The following PCDHA7 variants were observed in gnomAD, a reference collection of about 807,000 sequenced individuals.
PCDHA7 encodes the protein protocadherin alpha-7.
PCDHA7 carries 37 observed loss-of-function variants against 57.2 expected under a neutral mutation model. The observed-to-expected ratio is 0.65, with a 90% confidence interval of 0.50 to 0.85. PCDHA7 has a LOEUF of 0.85. Ranked by LOEUF, PCDHA7 falls within the 40% of genes least tolerant of loss-of-function variation. The pLI is 0.00. For missense variants in PCDHA7, 1,188 were observed against 1,241.8 expected (o/e 0.96, Z 0.65); for synonymous variants, 553 against 558.8 (o/e 0.99, Z 0.15).
chr5:140,883,559 G>A (rs2059672435), intron 1 of PCDHA7: 5 of 1,614,074 alleles, frequency 3.1e-6, no homozygotes, highest in Non-Finnish European at 4.2e-6. Context: ...GCGGGACGGG[G>A]GCTCGCCTTC....
intron 1 of PCDHA7, chr5:140,848,457 G>A (rs1030799361): frequency 6.5e-7 from 1 of 1,527,596 alleles, no homozygotes; most frequent in African/African-American, 1.4e-5. Context: ...CTAATTTGGA[G>A]GCAATTTTCA....
chr5:141,011,182 G>T lies in PCDHA7; in HGVS notation c.*1245G>T, dbSNP rs887034679. On this transcript the variant is annotated 3_prime_UTR_variant, in exon 4 of 4. Coordinates refer to ENST00000525929, the MANE Select transcript of PCDHA7 (RefSeq NM_018910.3). ...TATATATCAAGACCCAAAAATTGAA[G>T]AAAAATATTGTTTTCTCATACAGTG... 1.3e-5 allele frequency: 2 copies of T among 153,494 alleles called. No individual in the cohort carries two copies. Among genetic ancestry groups the T allele is most frequent in the Admixed American group, 6.6e-5 (1 of 15,254 alleles). The allele number at this position is 153,494 out of a possible 1,614,324, so 9.5% of individuals were successfully genotyped here.
At chr5:140,873,861 A>AT (rs1198117759) in intron 1 of PCDHA7, among the ~76,000 whole-genome samples, 1 of 152,162 alleles carries the variant, frequency 6.6e-6, no homozygotes, top group Non-Finnish European at 1.5e-5. Context: ...GGTTTTCACC[A>AT]TGTTGGCCAG....
chr5:140,982,795 A>ATGTG (rs60616196), intron 3 of PCDHA7, among the ~76,000 whole-genome samples: 1 of 151,628 alleles, frequency 6.6e-6, no homozygotes, highest in African/African-American at 2.4e-5. Context: ...GCATGTGTGC[A>ATGTG]TGTGTGTGTG....
intron 1 of PCDHA7, chr5:140,870,682 C>G: frequency 6.2e-7 from 1 of 1,612,762 alleles, no homozygotes; most frequent in South Asian, 1.1e-5. Flanking sequence ...CCACGAGGAG[C>G]TGGAGCTGCT....
chr5:140,884,466 C>T (rs1212644572), intron 1 of PCDHA7: 3 of 1,613,764 alleles, frequency 1.9e-6, no homozygotes, highest in Non-Finnish European at 2.5e-6. Context: ...GGCGCGTGCG[C>T]GCCGGGCAAG....
rs150360427 is a variant in PCDHA7 at position 140,892,912 on chromosome 5, T to C, written c.2355+56174T>C. Among the ~76,000 whole-genome samples, 3 of 152,298 alleles carry C rather than the reference T, an allele frequency of 2.0e-5. No homozygotes were observed. In the East Asian group the frequency reaches 5.8e-4, roughly 29 times the overall value. Reference sequence around the variant, plus strand: ...CAACCTTTCCCCATCCTCCTTTTCCTTCACCCTTCCCAGCCTCTGATAAGC... The same window carrying C: ...CAACCTTTCCCCATCCTCCTTTTCCCTCACCCTTCCCAGCCTCTGATAAGC... On this transcript the variant is annotated intron_variant, in intron 1 of 3. Coordinates refer to ENST00000525929, the MANE Select transcript of PCDHA7 (RefSeq NM_018910.3).
chr5:140,860,055 A>G (rs1466399941), intron 1 of PCDHA7: 6 of 151,228 alleles, frequency 4.0e-5, no homozygotes, highest in African/African-American at 1.2e-4. Context: ...TTGAGAGGCC[A>G]AGGTGGGAGG....
At chr5:140,940,372 AGTT>A (rs2092600737) in intron 1 of PCDHA7, among the ~76,000 whole-genome samples, 1 of 151,970 alleles carries the variant, frequency 6.6e-6, no homozygotes, top group Non-Finnish European at 1.5e-5. Flanking sequence ...GTATTCCTTG[AGTT>A]GTTAATTTTG....
At chr5:140,929,015 A>C (rs1563111690) in intron 1 of PCDHA7, 3 of 1,614,016 alleles carry the variant, frequency 1.9e-6, no homozygotes, top group African/African-American at 1.3e-5. Flanking sequence ...ACCAAGTTGC[A>C]CCAGAGCCCA....
At chr5:140,910,428 G>A (rs2075029085) in intron 1 of PCDHA7, among the ~76,000 whole-genome samples, 1 of 152,130 alleles carries the variant, frequency 6.6e-6, no homozygotes, top group Admixed American at 6.5e-5. Flanking sequence ...TATTCCCATT[G>A]CATTTAAGTT....
At position 140,834,853 on chromosome 5, in the gene PCDHA7, C is replaced by T; in HGVS notation, c.470C>T (p.Ala157Val). Residue 157 changes from alanine (A) to valine (V), a missense_variant, in exon 1 of 4, where the codon GCG (alanine) becomes GTG (valine). Physicochemically the swap from Ala to Val is moderately conservative, Grantham distance 64. Transcript: ENST00000525929. ...PLDSRFPLEG[A>V]SDADIGENAL... ...GACTCTCGGTTTCCACTAGAGGGCG[C>T]GTCCGATGCAGATATCGGGGAGAAC... 6.2e-7 allele frequency: 1 copy of T among 1,610,524 alleles called. No homozygotes were observed. Among genetic ancestry groups the T allele is most frequent in the Non-Finnish European group, 8.5e-7 (1 of 1,178,862 alleles).
chr5:140,952,798 G>A (rs1554220633), intron 1 of PCDHA7, among the ~76,000 whole-genome samples: 1 of 152,138 alleles, frequency 6.6e-6, no homozygotes, highest in Non-Finnish European at 1.5e-5. Flanking sequence ...TAACTGGCTC[G>A]CAGTTCTGCA....
At chr5:140,849,341 C>T (rs2150435526) in intron 1 of PCDHA7, 27 of 1,407,914 alleles carry the variant, frequency 1.9e-5, no homozygotes, top group Middle Eastern at 2.4e-4. Flanking sequence ...ACTCCTTCTC[C>T]AGTGATGTTT....
At chr5:140,968,715 A>T (rs2096265469) in intron 1 of PCDHA7, 1 of 1,614,014 alleles carries the variant, frequency 6.2e-7, no homozygotes, top group South Asian at 1.1e-5. Flanking sequence ...AAGATGGGAG[A>T]TGAGAGTGGT....
Position 141,010,035 on chromosome 5 carries a change from G to A in PCDHA7, c.*98G>A. 7 of 1,582,518 alleles carry A rather than the reference G, an allele frequency of 4.4e-6. No individual in the cohort carries two copies. The South Asian group carries it at 7.1e-5, about 16-fold the overall frequency. ...CTGCTCCTTTTTCCTATCTACATGAGCCCTCTTAGAGACCTCAGAAATCTG... is the reference window on the plus strand; with the variant it reads ...CTGCTCCTTTTTCCTATCTACATGAACCCTCTTAGAGACCTCAGAAATCTG... On this transcript the variant is annotated 3_prime_UTR_variant, in exon 4 of 4. Coordinates refer to ENST00000525929, the MANE Select transcript of PCDHA7 (RefSeq NM_018910.3).
Position 140,967,363 on chromosome 5 carries a change from C to T in PCDHA7, c.2356-11586C>T, listed in dbSNP as rs539138806. On this transcript the variant is annotated intron_variant, in intron 1 of 3. Coordinates refer to ENST00000525929, the MANE Select transcript of PCDHA7 (RefSeq NM_018910.3). ...AGCACTTCGAGCTGGACCTTAAGCCCCTGCAGGAGAACAGTAAAGTGCTTG... is the reference window on the plus strand; with the variant it reads ...AGCACTTCGAGCTGGACCTTAAGCCTCTGCAGGAGAACAGTAAAGTGCTTG... The T allele has an allele frequency of 1.6e-5, 26 of 1,607,546 alleles. No homozygotes were observed. The South Asian group carries it at 2.9e-4, about 18-fold the overall frequency.
chr5:140,987,005 T>C (rs1587197864), intron 3 of PCDHA7, among the ~76,000 whole-genome samples: 1 of 152,008 alleles, frequency 6.6e-6, no homozygotes. Context: ...CTTGAGGTCA[T>C]GAGTTCGAGA....
intron 1 of PCDHA7, chr5:140,864,831 A>G (rs2048618192): frequency 1.3e-5 from 2 of 152,186 alleles, no homozygotes; most frequent in Non-Finnish European, 2.9e-5. Context: ...GGCTTTAAGT[A>G]TAAGAGAGTC....
Sources: gnomAD v4.1 joint callset for allele counts (sites outside exome capture counted in the v4.1 genomes callset) on GRCh38, gnomAD v4.1.1 for gene constraint, MANE v1.5 for transcripts, NCBI Gene and HGNC (gene_info 2026-07-23, HGNC 2026-07-21) for gene names.